Variants in KCNIP4 observed in about 807,000 individuals in gnomAD.
KCNIP4 encodes the protein potassium voltage-gated channel interacting protein 4.
Under a neutral mutation model 34.0 loss-of-function variants are expected in KCNIP4, and 12 were observed. The observed-to-expected ratio is 0.35, with a 90% CI of 0.23 to 0.57. The LOEUF (loss-of-function observed/expected upper bound fraction) is 0.57. Ranked by LOEUF, KCNIP4 falls within the 20% of genes least tolerant of loss-of-function variation. The pLI is 0.83. For synonymous variants in KCNIP4, 124 were observed against 102.2 expected, an observed-to-expected ratio of 1.21 and a Z score of -1.29; for missense variants, 238 against 311.7, an observed-to-expected ratio of 0.76 and a Z score of 1.78.
chr4:21,630,994 G>A (rs1478578514), intron 1 of KCNIP4, among the ~76,000 whole-genome samples: 2 of 152,022 alleles, frequency 1.3e-5, no homozygotes, highest in African/African-American at 2.4e-5. Context: ...AAATGTCATC[G>A]CTCTCTAGTT....
At chr4:21,697,563 A>G (rs373318295) in intron 1 of KCNIP4, 29 of 1,407,542 alleles carry the variant, frequency 2.1e-5, no homozygotes, top group Middle Eastern at 5.0e-4. Flanking sequence ...CTGCCTTACA[A>G]CTCCTGTGGA....
At chr4:21,273,574 T>C (rs1419072252) in intron 1 of KCNIP4, among the ~76,000 whole-genome samples, 1 of 152,166 alleles carries the variant, frequency 6.6e-6, no homozygotes, top group African/African-American at 2.4e-5. Flanking sequence ...TCCATGATCG[T>C]TTTACTTTCC....
intron 1 of KCNIP4, among the ~76,000 whole-genome samples, chr4:21,732,712 T>C (rs1374637157): frequency 1.3e-5 from 2 of 152,098 alleles, no homozygotes. Flanking sequence ...ACTGCCTCAA[T>C]ACATTCGCCT....
intron 1 of KCNIP4, among the ~76,000 whole-genome samples, chr4:21,785,808 A>G (rs762866309): frequency 4.6e-5 from 7 of 152,120 alleles, no homozygotes; most frequent in Non-Finnish European, 1.0e-4. Flanking sequence ...TGCAAACAAT[A>G]TTTCATTGTA....
chr4:21,679,162 G>A (rs1334865752), intron 1 of KCNIP4, among the ~76,000 whole-genome samples: 2 of 152,132 alleles, frequency 1.3e-5, no homozygotes, highest in Admixed American at 6.6e-5. Context: ...TTTAGGCTAC[G>A]TAGTCTGTGA....
chr4:21,567,627 G>A (rs1326905127), intron 1 of KCNIP4, among the ~76,000 whole-genome samples: 1 of 152,170 alleles, frequency 6.6e-6, no homozygotes, highest in East Asian at 1.9e-4. Context: ...CCAGCATCAT[G>A]CTTAGAGCCA....
chr4:20,959,572 T>C (rs569225911), intron 1 of KCNIP4, among the ~76,000 whole-genome samples: 7 of 152,230 alleles, frequency 4.6e-5, no homozygotes, highest in Non-Finnish European at 1.0e-4. Flanking sequence ...AAACTGTTAA[T>C]CATCCCTAAA....
intron 3 of KCNIP4, among the ~76,000 whole-genome samples, chr4:20,805,951 A>G (rs1373984538): frequency 1.3e-5 from 2 of 152,106 alleles, no homozygotes; most frequent in Non-Finnish European, 2.9e-5. Flanking sequence ...AGTTTTTCCT[A>G]AGGCATGCTG....
intron 1 of KCNIP4, among the ~76,000 whole-genome samples, chr4:21,690,538 A>G (rs1711524087): frequency 6.6e-6 from 1 of 152,086 alleles, no homozygotes; most frequent in Non-Finnish European, 1.5e-5. Flanking sequence ...TTGCCATGTG[A>G]CACATCTGCT....
intron 1 of KCNIP4, among the ~76,000 whole-genome samples, chr4:20,992,480 A>C (rs1332244534): frequency 6.6e-6 from 1 of 152,200 alleles, no homozygotes; most frequent in East Asian, 1.9e-4. Context: ...GTGGGAACAC[A>C]GCCAAACCAT....
At chr4:21,695,108 C>T (rs1275857722) in intron 1 of KCNIP4, among the ~76,000 whole-genome samples, 1 of 152,036 alleles carries the variant, frequency 6.6e-6, no homozygotes, top group Non-Finnish European at 1.5e-5. Context: ...TAGTTCAACT[C>T]TGTTTCCTAC....
At chr4:21,373,225 A>C (rs1479685113) in intron 1 of KCNIP4, among the ~76,000 whole-genome samples, 3 of 146,916 alleles carry the variant, frequency 2.0e-5, no homozygotes, top group Admixed American at 2.0e-4. Context: ...TGGGAGGCTG[A>C]GGCAGGAGAA....
At chr4:21,541,079 G>A (rs1389656130) in intron 1 of KCNIP4, among the ~76,000 whole-genome samples, 1 of 151,140 alleles carries the variant, frequency 6.6e-6, no homozygotes, top group Non-Finnish European at 1.5e-5. Flanking sequence ...GCTGAGGTGG[G>A]AGAATTGCTT....
chr4:21,422,679 G>GTT (rs1257436917), intron 1 of KCNIP4, among the ~76,000 whole-genome samples: 1 of 151,916 alleles, frequency 6.6e-6, no homozygotes, highest in African/African-American at 2.4e-5. Flanking sequence ...GTGTGTGTGT[G>GTT]TGTGTGTGTG....
At chr4:20,769,630 C>T (rs563925310) in intron 3 of KCNIP4, among the ~76,000 whole-genome samples, 1 of 152,188 alleles carries the variant, frequency 6.6e-6, no homozygotes, top group Non-Finnish European at 1.5e-5. Flanking sequence ...TGTATCATCT[C>T]ACACTTCTGT....
At chr4:21,470,425 G>A (rs916794048) in intron 1 of KCNIP4, among the ~76,000 whole-genome samples, 7 of 118,626 alleles carry the variant, frequency 5.9e-5, no homozygotes, top group East Asian at 1.9e-4. Context: ...ACTTTAACTT[G>A]TTCACAATAA....
Position 21,307,065 on chromosome 4 carries a change from G to A in KCNIP4, c.62-424356C>T, listed in dbSNP as rs73249544. ...TTGAACTCCCGACATCAGGTGATAT[G>A]CCCACCTTGGACCCCCAAAGTCCTG... On this transcript the variant is annotated intron_variant, in intron 1 of 8. Coordinates refer to ENST00000382152, the MANE Select transcript of KCNIP4 (RefSeq NM_025221.6). Among the ~76,000 whole-genome samples the A allele has an allele frequency of 5.4e-3, 818 of 152,174 alleles. 4 individuals are homozygous for A. Among genetic ancestry groups the A allele is most frequent in the South Asian group, 0.011 (53 of 4,820 alleles).
intron 1 of KCNIP4, among the ~76,000 whole-genome samples, chr4:21,025,473 TGAGAGAGAGAGAGAGAGA>T (rs33926876): frequency 1.9e-3 from 180 of 95,058 alleles, no homozygotes; most frequent in African/African-American, 5.4e-3. Flanking sequence ...TGAAAACAAC[TGAGAGAGAGAGAGAGAGA>T]GAGAGAGAGA....
chr4:21,247,995 A>G (rs1560213190), intron 1 of KCNIP4, among the ~76,000 whole-genome samples: 1 of 110,308 alleles, frequency 9.1e-6, no homozygotes, highest in Non-Finnish European at 1.7e-5. Context: ...ACACACACAC[A>G]CACACACACC....
Sources: allele counts gnomAD v4.1 joint callset (sites outside exome capture counted in the v4.1 genomes callset), GRCh38; gene constraint gnomAD v4.1.1; transcripts MANE v1.5; gene names NCBI Gene and HGNC (gene_info 2026-07-23, HGNC 2026-07-21).